RBM25: variants seen among roughly 807,000 people sequenced by gnomAD.
RBM25 encodes RNA binding motif protein 25, also known as RNA-binding protein 25.
Under a neutral mutation model 120.7 loss-of-function variants are expected in RBM25, and 19 were observed. That is an observed-to-expected ratio of 0.16 (90% CI 0.11 to 0.23). The LOEUF (loss-of-function observed/expected upper bound fraction) is 0.23, where lower values mean the gene tolerates loss of function less well. Among genes scored for constraint, RBM25 ranks in the 10% least tolerant of loss-of-function variants. The pLI is 1.00. For missense variants in RBM25, 605 were observed against 1,041.5 expected (o/e 0.58, Z 5.77); for synonymous variants, 390 against 326.7 (o/e 1.19, Z -2.09).
intron 9 of RBM25, chr14:73,101,872 C>T (rs1460970841): frequency 6.6e-6 from 1 of 152,048 alleles, no homozygotes; most frequent in East Asian, 1.9e-4. Flanking sequence ...GATTTTTCCC[C>T]CTTTAATAGC....
At chr14:73,077,599 C>A in intron 4 of RBM25, 63 bp downstream of exon 4, 1 of 1,402,720 alleles carries the variant, frequency 7.1e-7, no homozygotes, top group Non-Finnish European at 9.5e-7. Flanking sequence ...CAAACTTAAG[C>A]AGAAAGAAGA....
intron 6 of RBM25, among the ~76,000 whole-genome samples, chr14:73,096,055 G>T (rs918322943): frequency 1.3e-5 from 2 of 152,092 alleles, no homozygotes; most frequent in Admixed American, 1.3e-4. Flanking sequence ...TCTGCTCACT[G>T]CAACCACTGC....
intron 6 of RBM25, among the ~76,000 whole-genome samples, chr14:73,091,700 C>T (rs1895816519): frequency 6.7e-6 from 1 of 149,974 alleles, no homozygotes; most frequent in Non-Finnish European, 1.5e-5. Flanking sequence ...GGTGGAACTC[C>T]ATCTCTACTA....
intron 18 of RBM25, 86 bp from the exon 19 acceptor site, chr14:73,119,627 A>G: frequency 6.4e-7 from 1 of 1,567,612 alleles, no homozygotes; most frequent in Non-Finnish European, 8.6e-7. Flanking sequence ...TCAGTGGATG[A>G]AAAACTTTTT....
chr14:73,069,746 T>TTAAAAA (rs545485336), intron 1 of RBM25: 3 of 44,158 alleles, frequency 6.8e-5, no homozygotes, highest in African/African-American at 2.4e-4. Context: ...CCCTGTTTCT[T>TTAAAAA]AAAAAAAAAA....
intron 2 of RBM25, among the ~76,000 whole-genome samples, chr14:73,073,274 T>A (rs896366431): frequency 6.6e-6 from 1 of 152,130 alleles, no homozygotes; most frequent in Non-Finnish European, 1.5e-5. Context: ...ATTTTTAATT[T>A]ACTGCCACAG....
chr14:73,072,120 T>A (rs979894541), intron 2 of RBM25, among the ~76,000 whole-genome samples: 3 of 152,120 alleles, frequency 2.0e-5, no homozygotes, highest in Admixed American at 1.3e-4. Flanking sequence ...TGCACGCACC[T>A]GCCACCATGC....
chr14:73,119,306 T>C (rs548645725), intron 18 of RBM25, among the ~76,000 whole-genome samples: 8 of 152,114 alleles, frequency 5.3e-5, no homozygotes, highest in Admixed American at 4.6e-4. Flanking sequence ...GGAGTCTTGC[T>C]CTGTTGCTCA....
rs114989128 is a variant in RBM25 at position 73,117,777 on chromosome 14, T to A, written c.2440-1936T>A. 6.0e-3 allele frequency among the ~76,000 whole-genome samples: 906 copies of A among 152,224 alleles called. 11 individuals are homozygous for A. The highest frequency in any genetic ancestry group is 0.021 in the African/African-American group (858 of 41,538). ...GACTAGAGAATTTGAACCAATGTAG[T>A]CTGACTAGAGATTGAGTACTCTAAA... On this transcript the variant is annotated intron_variant, in intron 18 of 18. Coordinates refer to ENST00000261973, the MANE Select transcript of RBM25 (RefSeq NM_021239.3).
intron 9 of RBM25, chr14:73,102,007 C>T (rs1341247038): frequency 1.3e-5 from 2 of 152,192 alleles, no homozygotes; most frequent in Non-Finnish European, 2.9e-5. Context: ...ATATATTGCT[C>T]ATACATTAGC....
chr14:73,098,706 C>T (rs1287100294), intron 7 of RBM25, among the ~76,000 whole-genome samples: 1 of 151,950 alleles, frequency 6.6e-6, no homozygotes, highest in Non-Finnish European at 1.5e-5. Context: ...GCAGCAGCTG[C>T]GATCTCAGCT....
intron 7 of RBM25, 105 bp downstream of exon 7, chr14:73,097,205 T>TTC (rs1411356995): frequency 1.3e-6 from 1 of 751,352 alleles, no homozygotes; most frequent in Non-Finnish European, 1.8e-6. Context: ...TCTTTTTTTT[T>TTC]TTTTTTTTTT....
intron 4 of RBM25, among the ~76,000 whole-genome samples, chr14:73,079,316 G>A (rs190353586): frequency 1.3e-5 from 2 of 150,596 alleles, no homozygotes; most frequent in African/African-American, 2.4e-5. Flanking sequence ...CCAACTACGC[G>A]GGAGGCTGAG....
rs1896571066 is a variant in RBM25 at position 73,123,637 on chromosome 14, CTA to C, written c.*3835_*3836del. The C allele has an allele frequency of 6.6e-6, 1 of 152,194 alleles. No homozygotes were observed. Among genetic ancestry groups the C allele is most frequent in the Non-Finnish European group, 1.5e-5 (1 of 68,038 alleles). The allele number at this position is 152,194 out of a possible 1,614,324, so 9.4% of individuals were successfully genotyped here. A position where few individuals can be genotyped will look rare whatever the true frequency, so the allele number is the denominator to read the frequency against. On this transcript the variant is annotated 3_prime_UTR_variant, in exon 19 of 19. Coordinates refer to ENST00000261973, the MANE Select transcript of RBM25 (RefSeq NM_021239.3). ...AGGAGCTACTAATATAACAATCATA[CTA>C]TAGAGCGAAGTGAACTTACACTTTT...
intron 7 of RBM25, among the ~76,000 whole-genome samples, chr14:73,099,060 G>A (rs774978632): frequency 1.1e-4 from 16 of 152,286 alleles, no homozygotes; most frequent in South Asian, 2.1e-4. Context: ...TGGATTGGGA[G>A]GAGATAATAA....
Position 73,061,245 on chromosome 14 carries a change from A to G in RBM25, c.-16+2540A>G, listed in dbSNP as rs191386461. Among the ~76,000 whole-genome samples the G allele has an allele frequency of 3.3e-3, 492 of 150,784 alleles. 25 individuals carry two copies. Among genetic ancestry groups the G allele is most frequent in the Admixed American group, 0.03 (450 of 15,108 alleles). On this transcript the variant is annotated intron_variant, in intron 1 of 18. Coordinates refer to ENST00000261973, the MANE Select transcript of RBM25 (RefSeq NM_021239.3). ...GCTAATTTTTGTATTTTTAGTAGAG[A>G]CGGGGTTTGACCATGTTGTCCAGGC...
intron 10 of RBM25, among the ~76,000 whole-genome samples, chr14:73,104,906 T>G (rs886884118): frequency 6.6e-5 from 10 of 152,132 alleles, no homozygotes; most frequent in Admixed American, 2.6e-4. Flanking sequence ...CAACCTTCAG[T>G]AGGCATTAAA....
At chr14:73,102,933 A>C (rs2140454597) in intron 9 of RBM25, 4 of 520,756 alleles carry the variant, frequency 7.7e-6, no homozygotes, top group Middle Eastern at 1.1e-3. Flanking sequence ...ATAGTCATTG[A>C]GTGGCCAGCC....
chr14:73,099,493 A>T (rs1485344606), intron 8 of RBM25, 60 bp downstream of exon 8: 1 of 1,588,358 alleles, frequency 6.3e-7, no homozygotes. Context: ...TTGATTTGTC[A>T]TTCTTGTCTA....
Sources: gnomAD v4.1 joint callset for allele counts (sites outside exome capture counted in the v4.1 genomes callset) on GRCh38, gnomAD v4.1.1 for gene constraint, MANE v1.5 for transcripts, NCBI Gene and HGNC (gene_info 2026-07-23, HGNC 2026-07-21) for gene names.